Variants in MACROD2 observed in about 807,000 individuals in gnomAD.
The protein encoded by MACROD2 is ADP-ribose glycohydrolase MACROD2.
In MACROD2, 36 loss-of-function variants were observed where a neutral mutation model predicts 70.4. The observed-to-expected ratio is 0.51, with a 90% CI of 0.39 to 0.68. The LOEUF is 0.68. Ranked by LOEUF, MACROD2 falls within the 30% of genes least tolerant of loss-of-function variation. MACROD2 has a pLI of 0.00. For missense variants in MACROD2, 496 were observed against 538.4 expected (o/e 0.92, Z 0.78); for synonymous variants, 172 against 178.8 (o/e 0.96, Z 0.30).
intron 5 of MACROD2, among the ~76,000 whole-genome samples, chr20:14,796,263 T>C (rs1398358103): frequency 6.6e-6 from 1 of 152,098 alleles, no homozygotes; most frequent in East Asian, 1.9e-4. Context: ...ACAAGAATGC[T>C]ATTCTCCTGT....
intron 4 of MACROD2, among the ~76,000 whole-genome samples, chr20:14,516,925 A>G (rs1203472605): frequency 6.6e-6 from 1 of 152,204 alleles, no homozygotes; most frequent in Non-Finnish European, 1.5e-5. Flanking sequence ...CAGCCAACAA[A>G]CATATGAGAA....
chr20:14,593,032 G>A (rs2123382530), intron 4 of MACROD2, among the ~76,000 whole-genome samples: 1 of 152,188 alleles, frequency 6.6e-6, no homozygotes, highest in African/African-American at 2.4e-5. Flanking sequence ...CATATATTAT[G>A]CTGTGAGTCA....
intron 4 of MACROD2, among the ~76,000 whole-genome samples, chr20:14,566,414 G>A (rs6079494): frequency 0.029 from 4,412 of 151,880 alleles, 110 homozygotes; most frequent in Non-Finnish European, 0.037. Context: ...CTCCAGCTTG[G>A]CAGCATAACA....
intron 8 of MACROD2, among the ~76,000 whole-genome samples, chr20:15,524,594 G>A (rs998626728): frequency 2.6e-5 from 4 of 152,020 alleles, no homozygotes; most frequent in African/African-American, 9.7e-5. Context: ...CCTACAAAAG[G>A]CTTTGGTTTC....
At chr20:15,644,316 C>G (rs2049508069) in intron 8 of MACROD2, among the ~76,000 whole-genome samples, 1 of 152,106 alleles carries the variant, frequency 6.6e-6, no homozygotes, top group South Asian at 2.1e-4. Flanking sequence ...AGAGAATCAT[C>G]CCTCTCTGCA....
chr20:14,022,705 T>C (rs1454448319), intron 2 of MACROD2, among the ~76,000 whole-genome samples: 1 of 152,200 alleles, frequency 6.6e-6, no homozygotes, highest in African/African-American at 2.4e-5. Context: ...GTTGGTTTTC[T>C]GTTCCTGTGT....
At position 15,386,398 on chromosome 20, in the gene MACROD2, T is replaced by G. The variant is rs139667603; in HGVS notation, c.541-45007T>G. Among the ~76,000 whole-genome samples, 319 of 152,354 alleles carry G rather than the reference T, an allele frequency of 2.1e-3. 3 individuals carry two copies. The highest frequency in any genetic ancestry group is 7.2e-3 in the African/African-American group (298 of 41,580). ...ATAATTTTATATAACCCCTTCACTT[T>G]AAAGATAAAGAAAGTGAGACCCAGA... On this transcript the variant is annotated intron_variant, in intron 6 of 17. Coordinates refer to ENST00000684519, the MANE Select transcript of MACROD2 (RefSeq NM_001351661.2).
chr20:15,766,693 A>G (rs796665358), intron 8 of MACROD2, among the ~76,000 whole-genome samples: 6 of 152,362 alleles, frequency 3.9e-5, no homozygotes, highest in African/African-American at 1.4e-4. Flanking sequence ...ATCTTTTATT[A>G]CTTAGACGAT....
At chr20:14,616,371 C>T (rs780009250) in intron 4 of MACROD2, among the ~76,000 whole-genome samples, 12 of 152,068 alleles carry the variant, frequency 7.9e-5, no homozygotes, top group Non-Finnish European at 1.5e-4. Context: ...CAAAAATGGT[C>T]GCTTATACCA....
intron 8 of MACROD2, among the ~76,000 whole-genome samples, chr20:15,671,269 C>T (rs920146046): frequency 4.6e-5 from 7 of 152,192 alleles, no homozygotes; most frequent in Admixed American, 4.6e-4. Flanking sequence ...AGCCCCAATC[C>T]TCTTTGCAAG....
At chr20:14,780,155 A>G (rs1227915571) in intron 5 of MACROD2, among the ~76,000 whole-genome samples, 2 of 152,160 alleles carry the variant, frequency 1.3e-5, no homozygotes, top group African/African-American at 2.4e-5. Flanking sequence ...GATACCGGGA[A>G]TTCGAGTCCA....
intron 8 of MACROD2, among the ~76,000 whole-genome samples, chr20:15,558,577 G>A (rs992550102): frequency 4.6e-5 from 7 of 152,164 alleles, no homozygotes; most frequent in Non-Finnish European, 7.3e-5. Context: ...ACATTGAAAC[G>A]TGGTTTCATA....
At chr20:15,518,018 A>G (rs938666187) in intron 8 of MACROD2, among the ~76,000 whole-genome samples, 12 of 152,278 alleles carry the variant, frequency 7.9e-5, no homozygotes, top group Admixed American at 5.9e-4. Context: ...AGAGCTGGCA[A>G]CAGACATTCT....
chr20:14,670,258 A>G (rs180690859), intron 4 of MACROD2, among the ~76,000 whole-genome samples: 38 of 152,214 alleles, frequency 2.5e-4, no homozygotes, highest in African/African-American at 7.7e-4. Context: ...GAAAAATATG[A>G]TCTTCATTCT....
chr20:14,248,282 A>T (rs2081983744), intron 3 of MACROD2, among the ~76,000 whole-genome samples: 1 of 152,142 alleles, frequency 6.6e-6, no homozygotes, highest in African/African-American at 2.4e-5. Flanking sequence ...TCATGCACAA[A>T]ATTATTTAAA....
intron 6 of MACROD2, among the ~76,000 whole-genome samples, chr20:15,331,912 T>C (rs1328755245): frequency 2.0e-5 from 3 of 151,624 alleles, no homozygotes; most frequent in Non-Finnish European, 2.9e-5. Context: ...TTTTTTAAAA[T>C]GTGTTATTCC....
intron 5 of MACROD2, among the ~76,000 whole-genome samples, chr20:14,844,449 G>A (rs1398349893): frequency 1.3e-5 from 2 of 151,824 alleles, no homozygotes; most frequent in African/African-American, 2.4e-5. Flanking sequence ...CCCAGGAGAT[G>A]GATGTTGCGG....
At chr20:15,526,951 G>C (rs1284975279) in intron 8 of MACROD2, among the ~76,000 whole-genome samples, 1 of 152,174 alleles carries the variant, frequency 6.6e-6, no homozygotes, top group Non-Finnish European at 1.5e-5. Context: ...AATTTTGCTA[G>C]CAAGTATCTC....
intron 2 of MACROD2, among the ~76,000 whole-genome samples, chr20:14,029,154 A>C (rs561189591): frequency 2.6e-5 from 4 of 152,284 alleles, no homozygotes; most frequent in South Asian, 2.1e-4. Context: ...AGAGGTTGCA[A>C]TTGTCCAGTT....
Sources: allele counts gnomAD v4.1 joint callset (sites outside exome capture counted in the v4.1 genomes callset), GRCh38; gene constraint gnomAD v4.1.1; transcripts MANE v1.5; gene names NCBI Gene and HGNC (gene_info 2026-07-23, HGNC 2026-07-21).